The following UNC5C variants were observed in gnomAD, a reference collection of about 807,000 sequenced individuals.
UNC5C encodes the protein netrin receptor UNC5C.
UNC5C carries 47 observed loss-of-function variants against 99.8 expected under a neutral mutation model. That is an observed-to-expected ratio of 0.47 (90% confidence interval 0.37 to 0.60). UNC5C has a LOEUF of 0.60. Ranked by LOEUF, UNC5C falls within the 20% of genes least tolerant of loss-of-function variation. The pLI is 0.00. For missense variants in UNC5C, 1,062 were observed against 1,165.9 expected, an observed-to-expected ratio of 0.91 and a Z score of 1.30; for synonymous variants, 487 against 452.2, an observed-to-expected ratio of 1.08 and a Z score of -0.98.
chr4:95,327,112 C>T (rs936967919), intron 2 of UNC5C, among the ~76,000 whole-genome samples: 6 of 152,092 alleles, frequency 3.9e-5, no homozygotes, highest in Admixed American at 2.6e-4. Flanking sequence ...ACCACTAAGT[C>T]CCCAACAATA....
chr4:95,181,737 G>A (rs1736620697), intron 14 of UNC5C, among the ~76,000 whole-genome samples: 1 of 152,120 alleles, frequency 6.6e-6, no homozygotes, highest in Non-Finnish European at 1.5e-5. Context: ...AACTACAGGA[G>A]GAAATGATGA....
At chr4:95,190,436 A>G (rs1284296243) in intron 12 of UNC5C, among the ~76,000 whole-genome samples, 1 of 152,154 alleles carries the variant, frequency 6.6e-6, no homozygotes, top group Non-Finnish European at 1.5e-5. Flanking sequence ...ACATGTATAC[A>G]TATGTAACAA....
chr4:95,280,382 A>C (rs1222854753), intron 3 of UNC5C, among the ~76,000 whole-genome samples: 1 of 152,180 alleles, frequency 6.6e-6, no homozygotes, highest in African/African-American at 2.4e-5. Context: ...AAGACATTGA[A>C]TATATTGTAG....
intron 4 of UNC5C, among the ~76,000 whole-genome samples, chr4:95,259,148 A>G (rs1214840577): frequency 6.6e-6 from 1 of 152,034 alleles, no homozygotes. Context: ...GAACTCTGCG[A>G]TTTTGGAGCT....
chr4:95,511,982 T>C (rs771996871), intron 1 of UNC5C, among the ~76,000 whole-genome samples: 1 of 152,092 alleles, frequency 6.6e-6, no homozygotes, highest in Non-Finnish European at 1.5e-5. Context: ...ATGTGACTAC[T>C]TGTTAGATGC....
chr4:95,280,687 T>TCAACAACAACAACAACAACAACAA (rs58348747), intron 3 of UNC5C, among the ~76,000 whole-genome samples: 2 of 150,882 alleles, frequency 1.3e-5, no homozygotes, highest in South Asian at 2.1e-4. Context: ...AGACCCCATC[T>TCAACAACAACAACAACAACAACAA]CAACAACAAC....
Position 95,219,067 on chromosome 4 carries a change from C to T in UNC5C, c.1547G>A (p.Ser516Asn), listed in dbSNP as rs759735193. Residue 516 changes from serine to asparagine, a missense_variant, in exon 9 of 16, where the codon AGC (serine) becomes AAC (asparagine). By Grantham distance (46) the Ser-to-Asn change is conservative (BLOSUM62 1). Coordinates refer to ENST00000453304, the MANE Select transcript of UNC5C (RefSeq NM_003728.4). ...TQSLLENEALSLKNQSLARQT... is the reference protein window; with the variant it reads ...TQSLLENEALNLKNQSLARQT... ...CCTTGCTAGACTCTGGTTCTTCAGG[C>T]TGAGGGCTTCATTCTCCAACAACGA... 1.9e-6 allele frequency: 3 copies of T among 1,614,128 alleles called. No homozygotes were observed. In the East Asian group the frequency reaches 6.7e-5, roughly 36 times the overall value.
At chr4:95,498,493 G>A (rs1164850030) in intron 1 of UNC5C, among the ~76,000 whole-genome samples, 1 of 151,970 alleles carries the variant, frequency 6.6e-6, no homozygotes, top group African/African-American at 2.4e-5. Flanking sequence ...CACTGAATGA[G>A]ATACTCCTTA....
intron 1 of UNC5C, among the ~76,000 whole-genome samples, chr4:95,370,146 T>C (rs755589613): frequency 2.5e-4 from 38 of 152,324 alleles, no homozygotes; most frequent in Non-Finnish European, 4.6e-4. Context: ...CAAACTGAGA[T>C]GTGGCTTAAA....
In UNC5C at chr4:95,380,133, C is replaced by G. The variant is rs570967134; in HGVS notation, c.125-44502G>C. ...TTGTCTTGATTCGCTGCTTCTTTGTCCACGTTGATGGGAATCAATCATATT... is the reference window on the plus strand; with the variant it reads ...TTGTCTTGATTCGCTGCTTCTTTGTGCACGTTGATGGGAATCAATCATATT... On this transcript the variant is annotated intron_variant, in intron 1 of 15. Transcript: ENST00000453304. Among the ~76,000 whole-genome samples the G allele has an allele frequency of 1.2e-4, 18 of 152,238 alleles. No individual in the cohort carries two copies. In the South Asian group the frequency reaches 2.3e-3, roughly 19 times the overall value.
At chr4:95,198,645 A>C (rs3775054) in intron 12 of UNC5C, among the ~76,000 whole-genome samples, 116,258 of 151,938 alleles carry the variant, frequency 0.77, 44,871 homozygotes, top group Middle Eastern at 0.89. Context: ...GCATGAGTAG[A>C]AGTAGAACCA....
chr4:95,260,667 A>T (rs1740186020), intron 4 of UNC5C, among the ~76,000 whole-genome samples: 1 of 152,144 alleles, frequency 6.6e-6, no homozygotes, highest in South Asian at 2.1e-4. Flanking sequence ...AAAGTAGGGG[A>T]TGTGACCTTG....
At chr4:95,220,656 A>G (rs1738438011) in intron 7 of UNC5C, among the ~76,000 whole-genome samples, 1 of 152,220 alleles carries the variant, frequency 6.6e-6, no homozygotes, top group South Asian at 2.1e-4. Flanking sequence ...ATGACTTTCC[A>G]TAGCACTCTT....
At chr4:95,230,881 A>C (rs185061126) in intron 7 of UNC5C, among the ~76,000 whole-genome samples, 13 of 152,142 alleles carry the variant, frequency 8.5e-5, no homozygotes, top group African/African-American at 2.7e-4. Flanking sequence ...GTAAAAGAGA[A>C]CTATTGTTAG....
intron 4 of UNC5C, among the ~76,000 whole-genome samples, chr4:95,255,838 G>T (rs1220260827): frequency 6.6e-6 from 1 of 151,680 alleles, no homozygotes; most frequent in African/African-American, 2.4e-5. Flanking sequence ...ATATTTCTCT[G>T]CTTGCCCTGC....
chr4:95,467,288 A>G (rs562774071), intron 1 of UNC5C, among the ~76,000 whole-genome samples: 2 of 152,318 alleles, frequency 1.3e-5, no homozygotes, highest in East Asian at 3.9e-4. Context: ...TTACGCAGCA[A>G]TAGATAATGA....
intron 1 of UNC5C, among the ~76,000 whole-genome samples, chr4:95,429,398 A>G (rs1560829711): frequency 6.6e-6 from 1 of 151,924 alleles, no homozygotes; most frequent in Non-Finnish European, 1.5e-5. Flanking sequence ...TCTTGCCCCA[A>G]TAGCTGTTTA....
In UNC5C at chr4:95,220,034, C is replaced by T. The variant is rs555624855; in HGVS notation, c.1251G>A (p.Ser417=). The T allele has an allele frequency of 1.2e-5, 19 of 1,614,000 alleles. No individual in the cohort carries two copies. Among genetic ancestry groups the T allele is most frequent in the African/African-American group, 9.3e-5 (7 of 74,994 alleles). The change falls in exon 8 of 16, where the codon TCG becomes TCA. Residue 417 remains serine (S), a synonymous_variant. Coordinates refer to ENST00000453304, the MANE Select transcript of UNC5C (RefSeq NM_003728.4). ...RDFESDIIDS[S]ALNGGFQPVN... Reference sequence around the variant, plus strand: ...CAGGCTGAAAGCCCCCATTGAGTGCCGAAGAGTCAATAATATCTGACTCAA... The same window carrying T: ...CAGGCTGAAAGCCCCCATTGAGTGCTGAAGAGTCAATAATATCTGACTCAA...
chr4:95,310,708 C>G (rs891203927), intron 2 of UNC5C, among the ~76,000 whole-genome samples: 12 of 74,344 alleles, frequency 1.6e-4, no homozygotes, highest in Non-Finnish European at 2.8e-4. Context: ...GAACTTGGCT[C>G]TGTGTGGCAG....
Sources: gnomAD v4.1 joint callset for allele counts (sites outside exome capture counted in the v4.1 genomes callset) on GRCh38, gnomAD v4.1.1 for gene constraint, MANE v1.5 for transcripts, NCBI Gene and HGNC (gene_info 2026-07-23, HGNC 2026-07-21) for gene names.